DLG2: variants seen among roughly 807,000 people sequenced by gnomAD.
DLG2 encodes disks large homolog 2.
DLG2 carries 45 observed loss-of-function variants against 132.5 expected under a neutral mutation model. The observed-to-expected ratio is 0.34, with a 90% CI of 0.27 to 0.44. DLG2 has a LOEUF of 0.44. Ranked by LOEUF, DLG2 falls within the 20% of genes least tolerant of loss-of-function variation. The probability of loss-of-function intolerance (pLI) is 1.00; values close to 1 mark genes in which losing one functional copy is unlikely to be tolerated. For synonymous variants in DLG2, 424 were observed against 419.6 expected, an observed-to-expected ratio of 1.01 and a Z score of -0.13; for missense variants, 1,045 against 1,196.9, an observed-to-expected ratio of 0.87 and a Z score of 1.87.
At chr11:83,724,476 T>TGTGAGAGAGAGAGAGAGAGAGA (rs762050933) in intron 18 of DLG2, among the ~76,000 whole-genome samples, 5 of 118,152 alleles carry the variant, frequency 4.2e-5, no homozygotes, top group Non-Finnish European at 7.2e-5. Flanking sequence ...TGTGTGTGTG[T>TGTGAGAGAGAGAGAGAGAGAGA]GAGAGAGAGA....
chr11:84,053,634 T>C (rs552382641), intron 11 of DLG2, among the ~76,000 whole-genome samples: 30 of 152,012 alleles, frequency 2.0e-4, no homozygotes, highest in Non-Finnish European at 3.8e-4. Context: ...AAAATAACTC[T>C]ATGAATTACA....
intron 5 of DLG2, among the ~76,000 whole-genome samples, chr11:85,145,050 T>C (rs2076749548): frequency 6.6e-6 from 1 of 152,150 alleles, no homozygotes; most frequent in Non-Finnish European, 1.5e-5. Context: ...TGTAAAGTTT[T>C]ATTTTTCCTT....
intron 6 of DLG2, among the ~76,000 whole-genome samples, chr11:84,964,420 TAATA>T (rs1230613142): frequency 6.6e-6 from 1 of 152,116 alleles, no homozygotes; most frequent in Non-Finnish European, 1.5e-5. Flanking sequence ...AAATTTTAAT[TAATA>T]AATACATTGA....
At chr11:84,901,174 G>C (rs1330098439) in intron 6 of DLG2, among the ~76,000 whole-genome samples, 2 of 152,002 alleles carry the variant, frequency 1.3e-5, no homozygotes, top group African/African-American at 4.8e-5. Context: ...CCCAACAATA[G>C]CCATAATATA....
intron 18 of DLG2, among the ~76,000 whole-genome samples, chr11:83,775,568 A>C (rs1204763192): frequency 6.6e-6 from 1 of 152,214 alleles, no homozygotes; most frequent in Admixed American, 6.5e-5. Flanking sequence ...AGTGCTTCAT[A>C]CATGCGAGTT....
At chr11:85,116,953 T>C (rs1566882472) in intron 5 of DLG2, among the ~76,000 whole-genome samples, 1 of 152,134 alleles carries the variant, frequency 6.6e-6, no homozygotes, top group South Asian at 2.1e-4. Context: ...GGACTGCACC[T>C]AGAGCTTAAC....
chr11:84,761,162 C>A (rs1350655687), intron 6 of DLG2, among the ~76,000 whole-genome samples: 1 of 152,148 alleles, frequency 6.6e-6, no homozygotes, highest in Non-Finnish European at 1.5e-5. Flanking sequence ...GGTATCCACC[C>A]CAAACTAAGT....
Position 85,580,724 on chromosome 11 carries a change from A to G in DLG2, c.40+17933T>C, listed in dbSNP as rs116873971. On this transcript the variant is annotated intron_variant, in intron 3 of 27. Coordinates refer to ENST00000376104, the MANE Select transcript of DLG2 (RefSeq NM_001142699.3). The stretch of plus-strand genomic sequence containing the variant: ...AGGAGCCAGAACACAAACCCAGGCA[A>G]TCTGGCTCCAGAATCCATACTCTTA... Among the ~76,000 whole-genome samples, 581 of 152,364 alleles carry G rather than the reference A, an allele frequency of 3.8e-3. 3 individuals carry two copies. The highest frequency in any genetic ancestry group is 4.8e-3 in the Non-Finnish European group (325 of 68,034).
chr11:85,241,565 C>T (rs912405731), intron 4 of DLG2, among the ~76,000 whole-genome samples: 1 of 151,886 alleles, frequency 6.6e-6, no homozygotes, highest in Non-Finnish European at 1.5e-5. Flanking sequence ...AAGGACATTT[C>T]TTTCTATGCT....
At chr11:84,786,358 C>A (rs2072890839) in intron 6 of DLG2, among the ~76,000 whole-genome samples, 1 of 152,056 alleles carries the variant, frequency 6.6e-6, no homozygotes. Context: ...TATCATAAAC[C>A]ACAGATATAT....
At chr11:85,607,466 G>A (rs752644653) in intron 2 of DLG2, among the ~76,000 whole-genome samples, 9 of 152,278 alleles carry the variant, frequency 5.9e-5, no homozygotes, top group South Asian at 4.1e-4. Context: ...CCTTGCCCCC[G>A]GGTCCTAACG....
intron 7 of DLG2, among the ~76,000 whole-genome samples, chr11:84,484,546 A>G (rs1471708044): frequency 6.6e-6 from 1 of 152,206 alleles, no homozygotes; most frequent in Non-Finnish European, 1.5e-5. Context: ...GTTAGAGTAT[A>G]TGGACATTTA....
intron 15 of DLG2, among the ~76,000 whole-genome samples, chr11:83,893,178 G>C (rs2070486521): frequency 6.6e-6 from 1 of 152,182 alleles, no homozygotes; most frequent in South Asian, 2.1e-4. Flanking sequence ...TTAGTAGACT[G>C]TTAAAACAGC....
At chr11:85,355,333 T>C (rs1013293560) in intron 3 of DLG2, among the ~76,000 whole-genome samples, 2 of 152,130 alleles carry the variant, frequency 1.3e-5, no homozygotes, top group Non-Finnish European at 2.9e-5. Context: ...AAAATGAGTG[T>C]GGGGTTTTCT....
intron 8 of DLG2, among the ~76,000 whole-genome samples, chr11:84,240,072 G>A (rs1391168633): frequency 2.0e-5 from 3 of 152,256 alleles, no homozygotes; most frequent in East Asian, 1.9e-4. Context: ...TGAGGTATGA[G>A]GGAAAAATCA....
intron 3 of DLG2, among the ~76,000 whole-genome samples, chr11:85,324,433 A>G (rs2081296177): frequency 6.6e-6 from 1 of 152,146 alleles, no homozygotes; most frequent in African/African-American, 2.4e-5. Context: ...AGTTGAATTT[A>G]ACACCTTATT....
At chr11:83,488,398 T>TGACTCTGAGATGTAATGGC (rs1379515275) in intron 21 of DLG2, among the ~76,000 whole-genome samples, 1 of 151,998 alleles carries the variant, frequency 6.6e-6, no homozygotes, top group Non-Finnish European at 1.5e-5. Flanking sequence ...TTGCCCAGCC[T>TGACTCTGAGATGTAATGGC]GACTCTGAGA....
chr11:85,375,372 A>G (rs1168382394), intron 3 of DLG2, among the ~76,000 whole-genome samples: 1 of 152,162 alleles, frequency 6.6e-6, no homozygotes, highest in Non-Finnish European at 1.5e-5. Context: ...CAGATCAAAC[A>G]CCCGAATCTA....
chr11:85,282,922 T>G (rs1218639771), intron 4 of DLG2, among the ~76,000 whole-genome samples: 1 of 151,928 alleles, frequency 6.6e-6, no homozygotes, highest in African/African-American at 2.4e-5. Context: ...AGGAACGAGA[T>G]CATGCCCTTT....
Sources: gnomAD v4.1 joint callset for allele counts (sites outside exome capture counted in the v4.1 genomes callset) on GRCh38, gnomAD v4.1.1 for gene constraint, MANE v1.5 for transcripts, NCBI Gene and HGNC (gene_info 2026-07-23, HGNC 2026-07-21) for gene names.